Variants in SFXN1 observed in about 807,000 individuals in gnomAD.
SFXN1 encodes the protein sideroflexin 1, also known as sideroflexin-1.
In SFXN1, 32 loss-of-function variants were observed where a neutral mutation model predicts 39.5. The observed-to-expected ratio is 0.81, with a 90% CI of 0.61 to 1.09. The LOEUF (loss-of-function observed/expected upper bound fraction) is 1.09, where lower values mean the gene tolerates loss of function less well. SFXN1 is among the 50% of genes least tolerant of loss of function. The probability of loss-of-function intolerance (pLI) is 0.00; values close to 1 mark genes in which losing one functional copy is unlikely to be tolerated. For missense variants in SFXN1, 402 were observed against 407.1 expected, an observed-to-expected ratio of 0.99 and a Z score of 0.11; for synonymous variants, 136 against 146.5, an observed-to-expected ratio of 0.93 and a Z score of 0.52.
At position 175,516,677 on chromosome 5, in the gene SFXN1, C is replaced by T; in HGVS notation, c.774+14C>T. On this transcript the variant is annotated intron_variant, in intron 8 of 10. Coordinates refer to ENST00000321442, the MANE Select transcript of SFXN1 (RefSeq NM_022754.7). ...GCCTTTTTGAAGGTAAGCTGTGGTTCTTTTGTCATTTTCTCAACCCTTTTT... is the reference window on the plus strand; with the variant it reads ...GCCTTTTTGAAGGTAAGCTGTGGTTTTTTTGTCATTTTCTCAACCCTTTTT... 1 of 1,610,376 alleles carries T rather than the reference C, an allele frequency of 6.2e-7. No homozygotes were observed. The highest frequency in any genetic ancestry group is 8.5e-7 in the Non-Finnish European group (1 of 1,177,694).
chr5:175,492,195 T>C lies in SFXN1; in HGVS notation c.92T>C (p.Val31Ala), dbSNP rs1222085983. The change falls in exon 2 of 11, where the codon GTA becomes GCA. Residue 31 changes from valine to alanine, a missense_variant. By Grantham distance (64) the Val-to-Ala change is moderately conservative. Coordinates refer to ENST00000321442, the MANE Select transcript of SFXN1 (RefSeq NM_022754.7). ...FIGRANHFFT[V>A]TDPRNILLTN... ...GGACGAGCCAATCATTTCTTCACTG[T>C]AACTGACCCCAGGAACATTCTGTTA... 6.2e-7 allele frequency: 1 copy of C among 1,614,118 alleles called. No individual in the cohort carries two copies. Among genetic ancestry groups the C allele is most frequent in the South Asian group, 1.1e-5 (1 of 91,070 alleles).
intron 2 of SFXN1, among the ~76,000 whole-genome samples, chr5:175,502,158 A>G (rs887269000): frequency 1.3e-5 from 2 of 152,150 alleles, no homozygotes; most frequent in African/African-American, 4.8e-5. Flanking sequence ...AAAGTGCAAA[A>G]TATCTCAAAC....
intron 2 of SFXN1, among the ~76,000 whole-genome samples, chr5:175,508,778 C>T (rs1188266098): frequency 1.3e-5 from 2 of 152,092 alleles, no homozygotes; most frequent in Admixed American, 6.6e-5. Context: ...GCTGGGATTA[C>T]AGGCGGGTGC....
intron 8 of SFXN1, among the ~76,000 whole-genome samples, chr5:175,520,343 T>C (rs1363377114): frequency 2.0e-5 from 3 of 152,190 alleles, no homozygotes; most frequent in African/African-American, 7.2e-5. Context: ...TGTTCCTACC[T>C]TGAGAAATGT....
intron 5 of SFXN1, 25 bp from the exon 6 acceptor site, chr5:175,512,086 G>T: frequency 1.2e-6 from 2 of 1,601,706 alleles, no homozygotes; most frequent in East Asian, 2.2e-5. Context: ...ATAAGATAAA[G>T]CTCTTGAAAT....
chr5:175,494,927 C>T (rs748747331), intron 2 of SFXN1, among the ~76,000 whole-genome samples: 2 of 152,110 alleles, frequency 1.3e-5, no homozygotes, highest in Non-Finnish European at 2.9e-5. Context: ...CCCAGCAGTT[C>T]CACTTCTGGG....
At chr5:175,499,831 CAA>C (rs745427094) in intron 2 of SFXN1, among the ~76,000 whole-genome samples, 3 of 151,898 alleles carry the variant, frequency 2.0e-5, no homozygotes, top group Non-Finnish European at 4.4e-5. Flanking sequence ...TCAAAAAAGA[CAA>C]AGATAGGAAA....
chr5:175,524,532 A>G (rs1262905992), intron 10 of SFXN1, among the ~76,000 whole-genome samples: 2 of 152,094 alleles, frequency 1.3e-5, no homozygotes, highest in African/African-American at 2.4e-5. Context: ...AGAAGCAGCA[A>G]ATGTGTTGCT....
chr5:175,499,618 C>CAGCT (rs889278610), intron 2 of SFXN1, among the ~76,000 whole-genome samples: 1 of 152,124 alleles, frequency 6.6e-6, no homozygotes, highest in African/African-American at 2.4e-5. Context: ...ATTCATGATA[C>CAGCT]AGCTGTCAGC....
intron 2 of SFXN1, among the ~76,000 whole-genome samples, chr5:175,493,153 T>A (rs946845719): frequency 2.6e-5 from 4 of 151,800 alleles, no homozygotes; most frequent in Non-Finnish European, 4.4e-5. Context: ...CTCGGGAGGC[T>A]GAGGCAGGAG....
At chr5:175,491,924 C>A in intron 1 of SFXN1, 171 bp from the exon 2 acceptor site, 2 of 472,132 alleles carry the variant, frequency 4.2e-6, no homozygotes, top group Non-Finnish European at 7.4e-6. Context: ...GATTTATAGA[C>A]AAACTTAGCT....
chr5:175,520,923 A>G (rs1760861623), intron 8 of SFXN1, among the ~76,000 whole-genome samples: 2 of 152,024 alleles, frequency 1.3e-5, no homozygotes, highest in South Asian at 4.2e-4. Context: ...AGTTTCCTTG[A>G]CGATGCTGCT....
chr5:175,512,960 C>T (rs1760573809), intron 6 of SFXN1, among the ~76,000 whole-genome samples: 1 of 152,098 alleles, frequency 6.6e-6, no homozygotes, highest in African/African-American at 2.4e-5. Flanking sequence ...TGTTGTTTTA[C>T]TTTTATTTCT....
At chr5:175,480,942 A>G (rs2940478) in intron 1 of SFXN1, among the ~76,000 whole-genome samples, 63,238 of 152,152 alleles carry the variant, frequency 0.42, 13,912 homozygotes, top group Non-Finnish European at 0.5. Context: ...GCTGTTGTCC[A>G]GAAAGTGAAA....
At position 175,513,607 on chromosome 5, in the gene SFXN1, C is replaced by A; in HGVS notation, c.724+17C>A. On this transcript the variant is annotated intron_variant, in intron 7 of 10. Transcript: ENST00000321442. Reference sequence around the variant, plus strand: ...CTGGCATGGGTTAGCAGGACTTTGTCATTTATTCCATAAATACAGGTTGAA... The same window carrying A: ...CTGGCATGGGTTAGCAGGACTTTGTAATTTATTCCATAAATACAGGTTGAA... 6.2e-7 allele frequency: 1 copy of A among 1,612,738 alleles called. No individual in the cohort carries two copies. The highest frequency in any genetic ancestry group is 1.1e-5 in the South Asian group (1 of 90,902).
In SFXN1 at chr5:175,501,100, G is replaced by A. The variant is rs187197573; in HGVS notation, c.165-7932G>A. ...TTTTTTTTTTTTGAGACAGAGTCTC[G>A]CTCTGTCACCCAGGCTGGAGTGCAG... On this transcript the variant is annotated intron_variant, in intron 2 of 10. Transcript: ENST00000321442. 2.4e-3 allele frequency among the ~76,000 whole-genome samples: 304 copies of A among 128,254 alleles called. 1 individual carries two copies. The highest frequency in any genetic ancestry group is 8.9e-3 in the African/African-American group (282 of 31,720). 84.1% of individuals were successfully genotyped at this position (128,254 alleles called of 152,430 possible).
rs549921290 is a variant in SFXN1, at chr5:175,492,329, C to G, written c.164+62C>G. The stretch of plus-strand genomic sequence containing the variant: ...ATAGATCATCATGTTAGGCTGCTAT[C>G]TTTAAACCTTCACTTAGTGATTTTA... On this transcript the variant is annotated intron_variant, in intron 2 of 10. Transcript: ENST00000321442. 1.1e-5 allele frequency: 14 copies of G among 1,309,810 alleles called. No homozygotes were observed. In the South Asian group the frequency reaches 2.0e-4, roughly 19 times the overall value. 81.1% of individuals were successfully genotyped at this position (1,309,810 alleles called of 1,614,324 possible).
intron 1 of SFXN1, chr5:175,483,709 C>A (rs1275929228): frequency 6.6e-6 from 1 of 152,282 alleles, no homozygotes; most frequent in Non-Finnish European, 1.5e-5. Context: ...GCTCAGTAAG[C>A]GCCTCTTCCA....
intron 8 of SFXN1, among the ~76,000 whole-genome samples, chr5:175,521,708 C>T (rs1045810569): frequency 6.6e-6 from 1 of 152,216 alleles, no homozygotes; most frequent in Non-Finnish European, 1.5e-5. Context: ...ATAGAAGCCA[C>T]TTGATCTTTG....
Sources: gnomAD v4.1 joint callset for allele counts (sites outside exome capture counted in the v4.1 genomes callset) on GRCh38, gnomAD v4.1.1 for gene constraint, MANE v1.5 for transcripts, NCBI Gene and HGNC (gene_info 2026-07-23, HGNC 2026-07-21) for gene names.